Variants in NKAIN2 observed in about 807,000 individuals in gnomAD.
NKAIN2 encodes sodium/potassium-transporting ATPase subunit beta-1-interacting protein 2.
NKAIN2 carries 14 observed loss-of-function variants against 32.6 expected under a neutral mutation model. The observed-to-expected ratio is 0.43, with a 90% CI of 0.28 to 0.67. The LOEUF is 0.67. NKAIN2 is among the 30% of genes least tolerant of loss of function. The pLI, the probability that NKAIN2 is intolerant of heterozygous loss-of-function variation, is 0.17. For missense variants in NKAIN2, 198 were observed against 258.3 expected, an observed-to-expected ratio of 0.77 and a Z score of 1.60; for synonymous variants, 80 against 87.2, an observed-to-expected ratio of 0.92 and a Z score of 0.46.
intron 2 of NKAIN2, among the ~76,000 whole-genome samples, chr6:124,351,911 G>A (rs961917150): frequency 3.9e-5 from 6 of 152,006 alleles, no homozygotes; most frequent in Non-Finnish European, 7.4e-5. Context: ...CTGAGCCACC[G>A]CGCCCGACCC....
rs181057020 is a variant in NKAIN2 at position 123,838,617 on chromosome 6, G to T, written c.54+34363G>T. On this transcript the variant is annotated intron_variant, in intron 1 of 6. Coordinates refer to ENST00000368417, the MANE Select transcript of NKAIN2 (RefSeq NM_001040214.3). Reference sequence around the variant, plus strand: ...ATATATTGATTTTGTTTCACATAAGGAATCAAAATAAATGTGCTTCAGGCA... The same window carrying T: ...ATATATTGATTTTGTTTCACATAAGTAATCAAAATAAATGTGCTTCAGGCA... Among the ~76,000 whole-genome samples, 8 of 152,156 alleles carry T rather than the reference G, an allele frequency of 5.3e-5. No individual in the cohort carries two copies. The East Asian group carries it at 1.2e-3, about 22-fold the overall frequency.
intron 5 of NKAIN2, among the ~76,000 whole-genome samples, chr6:124,801,603 A>G (rs1296339505): frequency 6.6e-6 from 1 of 152,228 alleles, no homozygotes; most frequent in Non-Finnish European, 1.5e-5. Flanking sequence ...ACTAGGGATA[A>G]AGCAGGGAAC....
intron 1 of NKAIN2, among the ~76,000 whole-genome samples, chr6:123,940,796 A>G (rs954261186): frequency 6.6e-6 from 1 of 152,026 alleles, no homozygotes; most frequent in African/African-American, 2.4e-5. Context: ...ATTACTGTAC[A>G]CTAAGATTTT....
chr6:124,429,629 A>G (rs967372461), intron 3 of NKAIN2, among the ~76,000 whole-genome samples: 3 of 152,110 alleles, frequency 2.0e-5, no homozygotes, highest in Non-Finnish European at 2.9e-5. Flanking sequence ...GGTGTTTTTC[A>G]TAGGCTTGTG....
intron 1 of NKAIN2, among the ~76,000 whole-genome samples, chr6:123,823,589 G>A (rs534398482): frequency 6.6e-6 from 1 of 152,224 alleles, no homozygotes; most frequent in South Asian, 2.1e-4. Context: ...GTGTGTAGAG[G>A]TCAAGCTTAT....
At chr6:124,200,717 C>T (rs1790551118) in intron 1 of NKAIN2, among the ~76,000 whole-genome samples, 2 of 152,030 alleles carry the variant, frequency 1.3e-5, no homozygotes, top group East Asian at 1.9e-4. Flanking sequence ...TTTGAGTGCA[C>T]TGTACTTTGA....
intron 1 of NKAIN2, among the ~76,000 whole-genome samples, chr6:124,147,429 A>G (rs1235617963): frequency 1.3e-5 from 2 of 152,110 alleles, no homozygotes; most frequent in Non-Finnish European, 2.9e-5. Context: ...AACTGGAAGA[A>G]AAAAAAATCC....
intron 1 of NKAIN2, among the ~76,000 whole-genome samples, chr6:124,081,467 A>G (rs1220404148): frequency 6.6e-6 from 1 of 152,012 alleles, no homozygotes; most frequent in Non-Finnish European, 1.5e-5. Flanking sequence ...TCTCCTCTTT[A>G]CTAGAATTGA....
chr6:124,629,158 T>C (rs1185559002), intron 3 of NKAIN2, among the ~76,000 whole-genome samples: 1 of 152,184 alleles, frequency 6.6e-6, no homozygotes, highest in Non-Finnish European at 1.5e-5. Context: ...CTGAAAAACC[T>C]GAAGAGTGAG....
intron 5 of NKAIN2, among the ~76,000 whole-genome samples, chr6:124,806,652 T>C (rs1425879208): frequency 6.6e-6 from 1 of 151,888 alleles, no homozygotes; most frequent in Non-Finnish European, 1.5e-5. Context: ...TAACTTTAAA[T>C]GTAAATGGAC....
intron 3 of NKAIN2, among the ~76,000 whole-genome samples, chr6:124,624,451 T>TAAAG (rs1298482653): frequency 1.3e-5 from 2 of 152,144 alleles, no homozygotes; most frequent in East Asian, 3.9e-4. Flanking sequence ...TTACACCAAT[T>TAAAG]AAAGTGATGG....
intron 1 of NKAIN2, among the ~76,000 whole-genome samples, chr6:123,881,347 A>G (rs1773444504): frequency 6.6e-6 from 1 of 152,192 alleles, no homozygotes; most frequent in African/African-American, 2.4e-5. Context: ...CTAAAGAATT[A>G]GTCAGAAAAA....
chr6:123,862,838 A>G (rs995953505), intron 1 of NKAIN2, among the ~76,000 whole-genome samples: 3 of 152,130 alleles, frequency 2.0e-5, no homozygotes, highest in African/African-American at 7.2e-5. Context: ...TTCTACGTAT[A>G]TGACTGTCAG....
chr6:124,755,795 C>A (rs1777940885), intron 4 of NKAIN2, among the ~76,000 whole-genome samples: 1 of 152,082 alleles, frequency 6.6e-6, no homozygotes, highest in Non-Finnish European at 1.5e-5. Flanking sequence ...ATGAAATAAT[C>A]TGTATGACAA....
At chr6:124,461,939 A>G (rs954411105) in intron 3 of NKAIN2, among the ~76,000 whole-genome samples, 1 of 151,778 alleles carries the variant, frequency 6.6e-6, no homozygotes, top group Non-Finnish European at 1.5e-5. Context: ...AAAGAAGAAT[A>G]GTGGTCAAAA....
At chr6:124,561,480 T>G (rs1780689408) in intron 3 of NKAIN2, among the ~76,000 whole-genome samples, 1 of 152,214 alleles carries the variant, frequency 6.6e-6, no homozygotes, top group Non-Finnish European at 1.5e-5. Context: ...AAAAAATATT[T>G]TAAAAACATT....
intron 1 of NKAIN2, among the ~76,000 whole-genome samples, chr6:124,218,768 A>G (rs1433839133): frequency 3.3e-5 from 5 of 152,214 alleles, no homozygotes; most frequent in Non-Finnish European, 4.4e-5. Flanking sequence ...CTACTTTTAA[A>G]TACCAGTTAC....
At chr6:124,815,758 A>G (rs1781136113) in intron 5 of NKAIN2, among the ~76,000 whole-genome samples, 1 of 152,126 alleles carries the variant, frequency 6.6e-6, no homozygotes, top group South Asian at 2.1e-4. Context: ...AGTTGTCCCA[A>G]ATTAAGAATT....
chr6:124,593,607 C>A (rs1339087989), intron 3 of NKAIN2, among the ~76,000 whole-genome samples: 2 of 152,096 alleles, frequency 1.3e-5, no homozygotes, highest in African/African-American at 4.8e-5. Context: ...CATGAATGGA[C>A]TTCTTAAGCA....
Sources: gnomAD v4.1 joint callset for allele counts (sites outside exome capture counted in the v4.1 genomes callset) on GRCh38, gnomAD v4.1.1 for gene constraint, MANE v1.5 for transcripts, NCBI Gene and HGNC (gene_info 2026-07-23, HGNC 2026-07-21) for gene names.